Variants in RALYL observed in about 807,000 individuals in gnomAD.
RALYL encodes the protein RNA-binding Raly-like protein.
A neutral mutation model predicts 35.1 loss-of-function variants in RALYL; 29 were observed. The ratio of observed to expected loss-of-function variants is 0.83; its 90% confidence interval spans 0.61 to 1.13. The LOEUF is 1.13. Ranked by LOEUF, RALYL falls within the 50% of genes most tolerant of loss-of-function variation. The pLI is 0.00. For synonymous variants in RALYL, 120 were observed against 127.6 expected (o/e 0.94, Z 0.40); for missense variants, 359 against 360.4 (o/e 1.00, Z 0.03).
intron 2 of RALYL, among the ~76,000 whole-genome samples, chr8:84,749,683 A>C (rs966003783): frequency 1.3e-5 from 2 of 152,210 alleles, no homozygotes; most frequent in Non-Finnish European, 2.9e-5. Context: ...TATGTGAAGC[A>C]GGTTCACTGT....
intron 1 of RALYL, among the ~76,000 whole-genome samples, chr8:84,221,524 C>A (rs1822213783): frequency 6.6e-6 from 1 of 151,908 alleles, no homozygotes; most frequent in Admixed American, 6.6e-5. Flanking sequence ...AGACCTTATG[C>A]AAATTACTTC....
chr8:84,594,619 A>C (rs1199498311), intron 2 of RALYL, among the ~76,000 whole-genome samples: 1 of 152,034 alleles, frequency 6.6e-6, no homozygotes, highest in African/African-American at 2.4e-5. Flanking sequence ...AAAAATGTTT[A>C]TATTATAGTA....
intron 1 of RALYL, among the ~76,000 whole-genome samples, chr8:84,311,766 T>A (rs2129927786): frequency 6.6e-6 from 1 of 152,280 alleles, no homozygotes; most frequent in Non-Finnish European, 1.5e-5. Context: ...GATATTGAAA[T>A]TTATTACAAT....
At chr8:84,330,436 C>T (rs1846604080) in intron 1 of RALYL, among the ~76,000 whole-genome samples, 1 of 149,704 alleles carries the variant, frequency 6.7e-6, no homozygotes, top group African/African-American at 2.6e-5. Context: ...TAAATTTGCT[C>T]ATCATAGCAT....
At chr8:84,855,189 G>GC in intron 5 of RALYL, among the ~76,000 whole-genome samples, 1 of 152,316 alleles carries the variant, frequency 6.6e-6, no homozygotes, top group Middle Eastern at 3.4e-3. Context: ...GCTGAGCCCA[G>GC]CAGGGAGCTA....
chr8:84,728,855 C>G (rs1255827908), intron 2 of RALYL, among the ~76,000 whole-genome samples: 1 of 152,108 alleles, frequency 6.6e-6, no homozygotes, highest in Non-Finnish European at 1.5e-5. Flanking sequence ...GGTACCAGTA[C>G]CATGCTGTTT....
At chr8:84,736,311 T>C (rs1441553850) in intron 2 of RALYL, among the ~76,000 whole-genome samples, 1 of 152,030 alleles carries the variant, frequency 6.6e-6, no homozygotes, top group Non-Finnish European at 1.5e-5. Context: ...ATTCTATCTA[T>C]TACGTTAAGA....
chr8:84,367,318 A>ATTTTTTTTTTTT lies in RALYL; in HGVS notation c.-23-161941_-23-161930dup, dbSNP rs56387511. On this transcript the variant is annotated intron_variant, in intron 1 of 8. Coordinates refer to ENST00000521268, the MANE Select transcript of RALYL (RefSeq NM_173848.7). ...GCCATCCTGCCCAACTAATTTTTGT[A>ATTTTTTTTTTTT]TTTTTTTTTTTTTTTTTTTTTTTTT... is the stretch of plus-strand genomic sequence containing the variant. 5.5e-4 allele frequency among the ~76,000 whole-genome samples: 15 copies of ATTTTTTTTTTTT among 27,406 alleles called. 4 individuals carry two copies. The highest frequency in any genetic ancestry group is 9.9e-4 in the Non-Finnish European group (10 of 10,136). 18.0% of individuals were successfully genotyped at this position (27,406 alleles called of 152,430 possible).
At chr8:84,761,803 A>G (rs1331374852) in intron 2 of RALYL, among the ~76,000 whole-genome samples, 1 of 152,224 alleles carries the variant, frequency 6.6e-6, no homozygotes, top group Non-Finnish European at 1.5e-5. Context: ...GTCCAGTAAT[A>G]TACAACATAC....
intron 2 of RALYL, among the ~76,000 whole-genome samples, chr8:84,728,681 C>T (rs1793310793): frequency 6.6e-6 from 1 of 152,034 alleles, no homozygotes; most frequent in African/African-American, 2.4e-5. Flanking sequence ...CCAGTTTCAG[C>T]TTTCTACATA....
intron 1 of RALYL, among the ~76,000 whole-genome samples, chr8:84,350,068 AAGGAATCTGCTT>A (rs1334229285): frequency 6.6e-6 from 1 of 150,678 alleles, no homozygotes; most frequent in Non-Finnish European, 1.5e-5. Flanking sequence ...CACAACAGCA[AAGGAATCTGCTT>A]ATTTCAAGTT....
At chr8:84,346,593 C>T (rs1427816012) in intron 1 of RALYL, among the ~76,000 whole-genome samples, 2 of 151,962 alleles carry the variant, frequency 1.3e-5, no homozygotes, top group African/African-American at 4.8e-5. Context: ...CTCAGCCTCC[C>T]AAGTAGATAG....
At chr8:84,353,139 C>A (rs1405804279) in intron 1 of RALYL, among the ~76,000 whole-genome samples, 1 of 149,794 alleles carries the variant, frequency 6.7e-6, no homozygotes, top group Non-Finnish European at 1.5e-5. Flanking sequence ...ATACACAGTC[C>A]CTCCCATGTT....
intron 1 of RALYL, among the ~76,000 whole-genome samples, chr8:84,410,148 A>G (rs2043956801): frequency 6.6e-6 from 1 of 151,906 alleles, no homozygotes; most frequent in African/African-American, 2.4e-5. Context: ...CATGAAAAAT[A>G]CTCTGATAAT....
intron 2 of RALYL, among the ~76,000 whole-genome samples, chr8:84,641,248 A>G (rs1057189540): frequency 6.6e-6 from 1 of 151,638 alleles, no homozygotes; most frequent in African/African-American, 2.4e-5. Flanking sequence ...TAACCTCCAA[A>G]TTATATAAAA....
At chr8:84,744,571 A>C (rs1388546608) in intron 2 of RALYL, among the ~76,000 whole-genome samples, 2 of 152,006 alleles carry the variant, frequency 1.3e-5, no homozygotes, top group Admixed American at 1.3e-4. Flanking sequence ...CAGTAGTCTC[A>C]TTGAAAACAG....
At chr8:84,512,576 T>G (rs1312543928) in intron 1 of RALYL, among the ~76,000 whole-genome samples, 1 of 152,190 alleles carries the variant, frequency 6.6e-6, no homozygotes, top group East Asian at 1.9e-4. Flanking sequence ...TTGCCTGTAC[T>G]TTTGAGGTCT....
intron 2 of RALYL, among the ~76,000 whole-genome samples, chr8:84,670,915 A>C (rs66683633): frequency 0.22 from 33,151 of 152,048 alleles, 3,781 homozygotes; most frequent in Non-Finnish European, 0.23. Context: ...CCGAAGTCTT[A>C]ACTCATTTCA....
At chr8:84,343,305 A>C (rs1487978469) in intron 1 of RALYL, among the ~76,000 whole-genome samples, 1 of 152,122 alleles carries the variant, frequency 6.6e-6, no homozygotes, top group East Asian at 1.9e-4. Flanking sequence ...GCAGATAAGC[A>C]TTGCTCTGCT....
Sources: allele counts gnomAD v4.1 joint callset (sites outside exome capture counted in the v4.1 genomes callset), GRCh38; gene constraint gnomAD v4.1.1; transcripts MANE v1.5; gene names NCBI Gene and HGNC (gene_info 2026-07-23, HGNC 2026-07-21).